Variants in PACRG observed in about 807,000 individuals in gnomAD.
PACRG encodes parkin coregulated, also known as parkin coregulated gene protein.
PACRG carries 29 observed loss-of-function variants against 29.7 expected under a neutral mutation model. The observed-to-expected ratio is 0.98, with a 90% CI of 0.73 to 1.33. The LOEUF (loss-of-function observed/expected upper bound fraction) is 1.33, where lower values mean the gene tolerates loss of function less well. PACRG is among the 40% of genes most tolerant of loss of function. PACRG has a pLI of 0.00. For synonymous variants in PACRG, 116 were observed against 118.7 expected (o/e 0.98, Z 0.15); for missense variants, 279 against 316.2 (o/e 0.88, Z 0.89).
chr6:162,874,818 C>T (rs546737245), intron 2 of PACRG, among the ~76,000 whole-genome samples: 31 of 151,954 alleles, frequency 2.0e-4, no homozygotes, highest in East Asian at 1.4e-3. Context: ...CACATTCATA[C>T]GACTCGCACA....
intron 4 of PACRG, among the ~76,000 whole-genome samples, chr6:163,177,562 A>G (rs1394450474): frequency 2.0e-5 from 3 of 152,066 alleles, no homozygotes; most frequent in Admixed American, 1.3e-4. Flanking sequence ...TGTGCTCCAC[A>G]AGTTACAGGA....
intron 2 of PACRG, among the ~76,000 whole-genome samples, chr6:162,873,368 G>A (rs1033694482): frequency 2.6e-5 from 4 of 152,064 alleles, no homozygotes; most frequent in African/African-American, 9.7e-5. Flanking sequence ...CAATTTTAGT[G>A]GTAGGAGTTA....
At chr6:162,958,850 CATATATATATATATATAT>C (rs369783608) in intron 2 of PACRG, among the ~76,000 whole-genome samples, 36 of 48,626 alleles carry the variant, frequency 7.4e-4, no homozygotes, top group South Asian at 4.3e-3. Flanking sequence ...ATATATAGAG[CATATATATATATATATAT>C]ATATATATAT....
intron 1 of PACRG, among the ~76,000 whole-genome samples, chr6:162,805,185 G>A (rs1786216462): frequency 6.6e-6 from 1 of 152,104 alleles, no homozygotes; most frequent in African/African-American, 2.4e-5. Flanking sequence ...TATATAAAGG[G>A]CGACCTTGGA....
chr6:163,191,849 A>G (rs1780232509), intron 4 of PACRG: 2 of 436,682 alleles, frequency 4.6e-6, no homozygotes, highest in African/African-American at 2.0e-5. Flanking sequence ...GTCCCTCCCA[A>G]TGAAAGCCAC....
chr6:162,965,493 A>G (rs1199749377), intron 2 of PACRG, among the ~76,000 whole-genome samples: 1 of 152,196 alleles, frequency 6.6e-6, no homozygotes, highest in Non-Finnish European at 1.5e-5. Context: ...CATAGTAGAA[A>G]TGGTGAGGGA....
chr6:162,952,028 G>C (rs370415508), intron 2 of PACRG, among the ~76,000 whole-genome samples: 1 of 152,120 alleles, frequency 6.6e-6, no homozygotes, highest in Non-Finnish European at 1.5e-5. Context: ...AATGAGATTT[G>C]TCCTTAAACA....
intron 2 of PACRG, among the ~76,000 whole-genome samples, chr6:162,825,243 T>G (rs1478792403): frequency 6.6e-6 from 1 of 152,172 alleles, no homozygotes; most frequent in Non-Finnish European, 1.5e-5. Context: ...AAAAATTATG[T>G]TTTTACCTAT....
chr6:162,958,571 A>G (rs1800246861), intron 2 of PACRG, among the ~76,000 whole-genome samples: 1 of 152,034 alleles, frequency 6.6e-6, no homozygotes, highest in Admixed American at 6.6e-5. Context: ...TTTGCTTTTA[A>G]CATTAATTTA....
intron 2 of PACRG, among the ~76,000 whole-genome samples, chr6:162,973,764 A>ATG (rs113495406): frequency 0.085 from 12,890 of 151,352 alleles, 1,085 homozygotes; most frequent in African/African-American, 0.21. Context: ...GTGTGTGTGT[A>ATG]TGTGTGTGTG....
chr6:162,815,323 A>C (rs1787241183), intron 2 of PACRG, among the ~76,000 whole-genome samples: 1 of 151,844 alleles, frequency 6.6e-6, no homozygotes, highest in African/African-American at 2.4e-5. Flanking sequence ...CAGAGAAATC[A>C]AAGTAAATAG....
chr6:162,957,350 A>G, intron 2 of PACRG: 2 of 616,118 alleles, frequency 3.2e-6, no homozygotes, highest in South Asian at 1.9e-5. Flanking sequence ...GAACCACCAC[A>G]GGCCCTGCTG....
intron 4 of PACRG, among the ~76,000 whole-genome samples, chr6:163,240,163 C>A (rs945582343): frequency 2.0e-5 from 3 of 152,098 alleles, no homozygotes; most frequent in Non-Finnish European, 4.4e-5. Flanking sequence ...TGGTGGCTCC[C>A]CGGGGCCGCA....
intron 4 of PACRG, among the ~76,000 whole-genome samples, chr6:163,104,844 A>G (rs1024358114): frequency 6.6e-6 from 1 of 152,224 alleles, no homozygotes; most frequent in African/African-American, 2.4e-5. Context: ...CTTGCCATGT[A>G]TACTTCAATT....
chr6:162,839,507 G>A (rs1240623534), intron 2 of PACRG, among the ~76,000 whole-genome samples: 2 of 150,896 alleles, frequency 1.3e-5, no homozygotes, highest in Non-Finnish European at 3.0e-5. Context: ...TTTGTCAGAT[G>A]AGTAGGTTGC....
At chr6:162,979,026 A>G (rs1335721007) in intron 2 of PACRG, among the ~76,000 whole-genome samples, 3 of 152,212 alleles carry the variant, frequency 2.0e-5, no homozygotes, top group Non-Finnish European at 4.4e-5. Context: ...AATTAAAAGC[A>G]ATTGTAAATA....
chr6:163,111,977 A>T, intron 4 of PACRG: 2 of 834,850 alleles, frequency 2.4e-6, no homozygotes, highest in Non-Finnish European at 2.9e-6. Flanking sequence ...TTTACACCCA[A>T]ATTTTATTTT....
chr6:163,116,153 T>C (rs988119896), intron 4 of PACRG, among the ~76,000 whole-genome samples: 7 of 152,212 alleles, frequency 4.6e-5, no homozygotes, highest in Non-Finnish European at 8.8e-5. Flanking sequence ...CTGCAGGCTG[T>C]ACAGGAAGCA....
At chr6:163,281,153 G>A (rs139718923) in intron 4 of PACRG, among the ~76,000 whole-genome samples, 2 of 152,098 alleles carry the variant, frequency 1.3e-5, no homozygotes, top group Non-Finnish European at 2.9e-5. Context: ...GGGCTGGAGC[G>A]GTGGAGAGGT....
Sources: gnomAD v4.1 joint callset for allele counts (sites outside exome capture counted in the v4.1 genomes callset) on GRCh38, gnomAD v4.1.1 for gene constraint, MANE v1.5 for transcripts, NCBI Gene and HGNC (gene_info 2026-07-23, HGNC 2026-07-21) for gene names.